The following SULF2 variants were observed in gnomAD, a reference collection of about 807,000 sequenced individuals.
The protein encoded by SULF2 is sulfatase 2, also known as extracellular sulfatase Sulf-2.
A neutral mutation model predicts 107.7 loss-of-function variants in SULF2; 52 were observed. The ratio of observed to expected loss-of-function variants is 0.48; its 90% CI spans 0.39 to 0.61. SULF2 has a LOEUF of 0.61. SULF2 is among the 20% of genes least tolerant of loss of function. SULF2 has a pLI of 0.00. For synonymous variants in SULF2, 460 were observed against 464.3 expected, an observed-to-expected ratio of 0.99 and a Z score of 0.12; for missense variants, 993 against 1,177.3, an observed-to-expected ratio of 0.84 and a Z score of 2.29.
intron 11 of SULF2, among the ~76,000 whole-genome samples, chr20:47,667,176 G>A (rs1048407959): frequency 4.1e-4 from 62 of 152,180 alleles, no homozygotes; most frequent in Non-Finnish European, 5.9e-5. Context: ...TATCATGGAT[G>A]TAAAAATGTT....
chr20:47,719,682 G>A (rs529113011), intron 3 of SULF2, among the ~76,000 whole-genome samples: 7 of 152,284 alleles, frequency 4.6e-5, no homozygotes, highest in East Asian at 1.9e-4. Flanking sequence ...GTGGGCTGGC[G>A]CCACTTAGGA....
intron 17 of SULF2, among the ~76,000 whole-genome samples, chr20:47,662,420 GTGC>G (rs772825464): frequency 3.3e-5 from 5 of 152,202 alleles, no homozygotes; most frequent in Non-Finnish European, 7.3e-5. Context: ...TAAAGCATTT[GTGC>G]TGCTGACATT....
chr20:47,694,768 A>G lies in SULF2; in HGVS notation c.568-4473T>C, dbSNP rs1349769584. 6.6e-6 allele frequency among the ~76,000 whole-genome samples: 1 copy of G among 152,176 alleles called. No homozygotes were observed. The highest frequency in any genetic ancestry group is 2.4e-5 in the African/African-American group (1 of 41,462). On this transcript the variant is annotated intron_variant, in intron 4 of 20. Coordinates refer to ENST00000688720, the MANE Select transcript of SULF2 (RefSeq NM_001387048.1). The surrounding 1 kb of genome is among the most constrained non-coding windows in gnomAD (Gnocchi z 4.4). ...GGCACTCCGCACCGGGCTTCCCTCC[A>G]AGGCCAAGGCAGTGCGTGTGGGTGG...
At chr20:47,780,800 C>T (rs1486937735) in intron 1 of SULF2, among the ~76,000 whole-genome samples, 1 of 152,160 alleles carries the variant, frequency 6.6e-6, no homozygotes. Context: ...GGGATCCTCC[C>T]ACCTCGGCCT....
intron 14 of SULF2, among the ~76,000 whole-genome samples, chr20:47,664,720 TAAA>T (rs2146401957): frequency 6.6e-6 from 1 of 152,326 alleles, no homozygotes; most frequent in South Asian, 2.1e-4. Flanking sequence ...TTAAGCAAAA[TAAA>T]AAATTTGGCT....
chr20:47,710,939 A>T (rs2088907369), intron 3 of SULF2, among the ~76,000 whole-genome samples: 1 of 152,182 alleles, frequency 6.6e-6, no homozygotes, highest in South Asian at 2.1e-4. Flanking sequence ...TCCCAGCCCC[A>T]AATCTAACTG....
At chr20:47,737,867 A>G (rs1433146949) in intron 2 of SULF2, among the ~76,000 whole-genome samples, 1 of 140,334 alleles carries the variant, frequency 7.1e-6, no homozygotes, top group East Asian at 2.1e-4. Context: ...GGTTCAAGCG[A>G]TTCCCCTGCC....
Position 47,675,759 on chromosome 20 carries a change from A to C in SULF2, c.1380+735T>G, listed in dbSNP as rs796665999. Among the ~76,000 whole-genome samples, 324 of 67,486 alleles carry C rather than the reference A, an allele frequency of 4.8e-3. 1 individual carries two copies. Among genetic ancestry groups the C allele is most frequent in the African/African-American group, 0.017 (295 of 17,142 alleles). The allele number at this position is 67,486 out of a possible 152,430, so 44.3% of individuals were successfully genotyped here. A position where few individuals can be genotyped will look rare whatever the true frequency, so the allele number is the denominator to read the frequency against. ...CCCTCCCTGCCCTGCCCCGCCCCCG[A>C]CCCTCCTCTCCAAGCCTGCCCTGGC... On this transcript the variant is annotated intron_variant, in intron 10 of 20. Coordinates refer to ENST00000688720, the MANE Select transcript of SULF2 (RefSeq NM_001387048.1).
chr20:47,732,579 C>T (rs1174619118), intron 3 of SULF2, among the ~76,000 whole-genome samples: 2 of 152,300 alleles, frequency 1.3e-5, no homozygotes, highest in East Asian at 3.9e-4. Context: ...CAGTGGCTCA[C>T]ACCTGTAATC....
intron 3 of SULF2, among the ~76,000 whole-genome samples, chr20:47,714,052 T>C (rs1471471756): frequency 1.3e-5 from 2 of 152,016 alleles, no homozygotes; most frequent in Non-Finnish European, 2.9e-5. Context: ...CAATAAACAG[T>C]GTTTGCCAAA....
At chr20:47,784,586 G>A (rs113827277) in intron 1 of SULF2, among the ~76,000 whole-genome samples, 2,992 of 152,170 alleles carry the variant, frequency 0.02, 46 homozygotes, top group South Asian at 0.037. Flanking sequence ...CCAGTGAACC[G>A]GCAGCTTCTG....
Position 47,661,886 on chromosome 20 carries a change from G to A in SULF2, c.2381C>T (p.Ala794Val). ...LNTDPYQLMN[A>V]VNTLDRDVLN... ...GACATCCCTGTCCAGTGTGTTCACT[G>A]CATTCATCAGCTGGTTGCAAAAAAG... The change falls in exon 18 of 21, where the codon GCA (alanine) becomes GTA (valine). Residue 794 changes from alanine to valine, a missense_variant. By Grantham distance (64) the Ala-to-Val change is moderately conservative (BLOSUM62 0). This residue lies in a region of SULF2 where 497 missense variants were observed against 544.1 expected (regional missense o/e 0.91). Coordinates refer to ENST00000688720, the MANE Select transcript of SULF2 (RefSeq NM_001387048.1). 4 of 1,560,956 alleles carry A rather than the reference G, an allele frequency of 2.6e-6. No homozygotes were observed. The highest frequency in any genetic ancestry group is 3.5e-6 in the Non-Finnish European group (4 of 1,144,362).
intron 2 of SULF2, among the ~76,000 whole-genome samples, chr20:47,745,957 T>C (rs1191712821): frequency 6.6e-6 from 1 of 152,256 alleles, no homozygotes; most frequent in Non-Finnish European, 1.5e-5. Flanking sequence ...AAAAATTGAA[T>C]GGCCTTTTTC....
chr20:47,726,589 C>T (rs987755114), intron 3 of SULF2, among the ~76,000 whole-genome samples: 5 of 152,152 alleles, frequency 3.3e-5, no homozygotes, highest in African/African-American at 1.2e-4. Flanking sequence ...AACCCATGTG[C>T]GCCTACTGAA....
intron 4 of SULF2, 22 bp downstream of exon 4, chr20:47,702,497 G>A (rs974991158): frequency 6.2e-7 from 1 of 1,607,916 alleles, no homozygotes; most frequent in African/African-American, 1.3e-5. Flanking sequence ...GCCACTCCCA[G>A]GCTGGAAAGG....
At chr20:47,773,935 A>T (rs1162934934) in intron 1 of SULF2, among the ~76,000 whole-genome samples, 1 of 152,220 alleles carries the variant, frequency 6.6e-6, no homozygotes, top group African/African-American at 2.4e-5. Flanking sequence ...AGGTATTTTG[A>T]CGGCTTGGTA....
chr20:47,684,623 G>A, intron 5 of SULF2, 42 bp from the exon 6 acceptor site: 2 of 1,594,244 alleles, frequency 1.3e-6, no homozygotes, highest in South Asian at 1.1e-5. Context: ...CCCAGGGACA[G>A]CCTGGACCCT....
chr20:47,785,132 C>A (rs1259714966), intron 1 of SULF2, among the ~76,000 whole-genome samples: 9 of 151,918 alleles, frequency 5.9e-5, no homozygotes, highest in African/African-American at 1.9e-4. Context: ...CATCCCTCTG[C>A]GGACGGCCGG....
intron 3 of SULF2, among the ~76,000 whole-genome samples, chr20:47,708,395 C>T (rs1013751329): frequency 1.3e-5 from 2 of 152,028 alleles, no homozygotes; most frequent in East Asian, 1.9e-4. Context: ...AATGACATCA[C>T]GGGGAAGAGG....
Sources: allele counts gnomAD v4.1 joint callset (sites outside exome capture counted in the v4.1 genomes callset), GRCh38; gene constraint gnomAD v4.1.1; regional missense constraint gnomAD v4.1.1; non-coding constraint Gnocchi (gnomAD v3.1); transcripts MANE v1.5; gene names NCBI Gene and HGNC (gene_info 2026-07-23, HGNC 2026-07-21).